Variants in SPAG16 observed in about 807,000 individuals in gnomAD.
SPAG16 encodes the protein sperm-associated antigen 16 protein.
A neutral mutation model predicts 80.4 loss-of-function variants in SPAG16; 86 were observed. That is an observed-to-expected ratio of 1.07 (90% CI 0.90 to 1.28). The LOEUF (loss-of-function observed/expected upper bound fraction) is 1.28, where lower values mean the gene tolerates loss of function less well. Ranked by LOEUF, SPAG16 falls within the 50% of genes most tolerant of loss-of-function variation. The pLI, the probability that SPAG16 is intolerant of heterozygous loss-of-function variation, is 0.00. For missense variants in SPAG16, 870 were observed against 765.3 expected (o/e 1.14, Z -1.61); for synonymous variants, 294 against 265.9 (o/e 1.11, Z -1.03).
rs551183845 is a variant in SPAG16 at position 213,902,497 on chromosome 2, T to C, written c.1215-27463T>C. On this transcript the variant is annotated intron_variant, in intron 11 of 15. Transcript: ENST00000331683. ...AAACCCCTAATAAAACCATCAGATC[T>C]CATGAGACTTATTCACTACCATTAG... Among the ~76,000 whole-genome samples the C allele has an allele frequency of 2.0e-5, 3 of 152,228 alleles. No homozygotes were observed. In the East Asian group the frequency reaches 5.8e-4, roughly 29 times the overall value.
chr2:213,672,199 T>G (rs1166161602), intron 10 of SPAG16, among the ~76,000 whole-genome samples: 1 of 152,064 alleles, frequency 6.6e-6, no homozygotes, highest in Non-Finnish European at 1.5e-5. Flanking sequence ...TTTCCTTTTC[T>G]GTCTTTCCTT....
intron 15 of SPAG16, among the ~76,000 whole-genome samples, chr2:214,366,750 A>T (rs1699506058): frequency 1.3e-5 from 2 of 152,162 alleles, no homozygotes. Flanking sequence ...AGGTAAATAC[A>T]CAAAGAGAAA....
At chr2:213,471,835 C>T (rs2073096472) in intron 9 of SPAG16, among the ~76,000 whole-genome samples, 1 of 152,198 alleles carries the variant, frequency 6.6e-6, no homozygotes. Context: ...AATAGGCCCA[C>T]TAGGCATTGT....
chr2:213,303,574 T>G (rs1403692945), intron 3 of SPAG16, among the ~76,000 whole-genome samples: 1 of 152,054 alleles, frequency 6.6e-6, no homozygotes, highest in African/African-American at 2.4e-5. Flanking sequence ...AGACTCTGCC[T>G]TCGTGAGTTC....
At chr2:213,915,661 G>A (rs2077923355) in intron 11 of SPAG16, among the ~76,000 whole-genome samples, 1 of 152,136 alleles carries the variant, frequency 6.6e-6, no homozygotes, top group Admixed American at 6.6e-5. Context: ...GGATTGCTGA[G>A]TCAAATGGTA....
At chr2:213,880,012 G>T (rs902531160) in intron 11 of SPAG16, among the ~76,000 whole-genome samples, 2 of 152,168 alleles carry the variant, frequency 1.3e-5, no homozygotes, top group African/African-American at 2.4e-5. Context: ...TAATAAGATA[G>T]CTAGGTCAAA....
chr2:213,962,447 A>T (rs1160671647), intron 12 of SPAG16, among the ~76,000 whole-genome samples: 6 of 152,210 alleles, frequency 3.9e-5, no homozygotes, highest in African/African-American at 1.4e-4. Context: ...GGCCTCCCGA[A>T]GTGCTGGGAT....
At position 214,332,092 on chromosome 2, in the gene SPAG16, A is replaced by C. The variant is rs540747022; in HGVS notation, c.1721-78048A>C. ...CATGGTGAAATCCCACCTCTGCTAA[A>C]AATACAAAAATTAACTGGGCATGGT... On this transcript the variant is annotated intron_variant, in intron 15 of 15. Coordinates refer to ENST00000331683, the MANE Select transcript of SPAG16 (RefSeq NM_024532.5). Among the ~76,000 whole-genome samples, 20 of 152,272 alleles carry C rather than the reference A, an allele frequency of 1.3e-4. No individual in the cohort carries two copies. The South Asian group carries it at 3.9e-3, about 30-fold the overall frequency.
At chr2:213,319,188 TAAAG>T (rs1386992376) in intron 5 of SPAG16, among the ~76,000 whole-genome samples, 1 of 151,966 alleles carries the variant, frequency 6.6e-6, no homozygotes, top group East Asian at 1.9e-4. Flanking sequence ...CTTTCTCACT[TAAAG>T]AATCATATTA....
At chr2:213,867,766 CA>C (rs72200284) in intron 11 of SPAG16, among the ~76,000 whole-genome samples, 87,148 of 148,868 alleles carry the variant, frequency 0.59, 27,624 homozygotes, top group South Asian at 0.85. Context: ...ACTAAAAATA[CA>C]AAAAAAAATA....
intron 9 of SPAG16, among the ~76,000 whole-genome samples, chr2:213,382,043 G>C (rs2067201512): frequency 1.3e-5 from 2 of 151,852 alleles, no homozygotes; most frequent in Admixed American, 6.6e-5. Flanking sequence ...TGGAAATCAG[G>C]CTAGTTTTTT....
intron 5 of SPAG16, among the ~76,000 whole-genome samples, chr2:213,339,853 C>A (rs1451469198): frequency 6.6e-6 from 1 of 151,964 alleles, no homozygotes; most frequent in Non-Finnish European, 1.5e-5. Context: ...CAAAAAGGTT[C>A]TCTTTGGAAA....
intron 15 of SPAG16, among the ~76,000 whole-genome samples, chr2:214,290,196 A>G (rs534722481): frequency 1.8e-4 from 27 of 152,126 alleles, no homozygotes; most frequent in South Asian, 2.1e-4. Context: ...GTTTTCCAGT[A>G]TTTTAGCATA....
At chr2:214,163,327 A>G (rs1055515418) in intron 15 of SPAG16, among the ~76,000 whole-genome samples, 1 of 151,654 alleles carries the variant, frequency 6.6e-6, no homozygotes, top group African/African-American at 2.4e-5. Flanking sequence ...TTTACTTTCC[A>G]TACCTTTTTA....
intron 15 of SPAG16, among the ~76,000 whole-genome samples, chr2:214,371,841 T>G (rs1699840152): frequency 6.6e-6 from 1 of 151,410 alleles, no homozygotes; most frequent in African/African-American, 2.4e-5. Context: ...CCACCACACC[T>G]GGCTAATTTT....
intron 10 of SPAG16, among the ~76,000 whole-genome samples, chr2:213,555,776 AAAGT>A (rs1340125664): frequency 3.3e-5 from 5 of 152,230 alleles, no homozygotes; most frequent in Non-Finnish European, 7.3e-5. Context: ...CCCACTGGTA[AAAGT>A]AAGTAAACAA....
At chr2:214,355,662 C>T (rs936874986) in intron 15 of SPAG16, among the ~76,000 whole-genome samples, 15 of 151,268 alleles carry the variant, frequency 9.9e-5, no homozygotes, top group African/African-American at 3.6e-4. Context: ...ACCCAGCCAT[C>T]CCATTACTGG....
rs565279296 is a variant in SPAG16 at position 213,303,465 on chromosome 2, C to G, written c.279+6108C>G. ...TAAATTATTGTTGAATGTAGTCACT[C>G]TCGTGCTATCAAATACTAGATCTTA... On this transcript the variant is annotated intron_variant, in intron 3 of 15. Transcript: ENST00000331683. 1.4e-3 allele frequency among the ~76,000 whole-genome samples: 195 copies of G among 142,108 alleles called. 1 individual carries two copies. The highest frequency in any genetic ancestry group is 0.01 in the South Asian group (47 of 4,662). 93.2% of individuals were successfully genotyped at this position (142,108 alleles called of 152,430 possible).
intron 14 of SPAG16, among the ~76,000 whole-genome samples, chr2:214,121,215 A>G (rs1384224950): frequency 6.6e-6 from 1 of 151,924 alleles, no homozygotes; most frequent in Non-Finnish European, 1.5e-5. Context: ...AAGGAGATGA[A>G]TAAATAAATG....
Sources: allele counts gnomAD v4.1 joint callset (sites outside exome capture counted in the v4.1 genomes callset), GRCh38; gene constraint gnomAD v4.1.1; transcripts MANE v1.5; gene names NCBI Gene and HGNC (gene_info 2026-07-23, HGNC 2026-07-21).